The following RGS6 variants were observed in gnomAD, a reference collection of about 807,000 sequenced individuals.
RGS6 encodes regulator of G protein signaling 6.
Under a neutral mutation model 78.5 loss-of-function variants are expected in RGS6, and 30 were observed. That is an observed-to-expected ratio of 0.38 (90% CI 0.29 to 0.52). RGS6 has a LOEUF of 0.52. Among genes scored for constraint, RGS6 ranks in the 20% least tolerant of loss-of-function variants. The pLI, the probability that RGS6 is intolerant of heterozygous loss-of-function variation, is 0.85. For missense variants in RGS6, 495 were observed against 609.7 expected, an observed-to-expected ratio of 0.81 and a Z score of 1.98; for synonymous variants, 206 against 206.0, an observed-to-expected ratio of 1.00 and a Z score of 0.00.
chr14:72,038,716 C>G (rs1235159082), intron 2 of RGS6, among the ~76,000 whole-genome samples: 5 of 152,038 alleles, frequency 3.3e-5, no homozygotes, highest in Non-Finnish European at 5.9e-5. Flanking sequence ...TTTCCAGCTC[C>G]TTATTGCTAA....
chr14:72,506,984 T>TAAAAAAAAAAAAAAAAAAA (rs71109738), intron 13 of RGS6, among the ~76,000 whole-genome samples: 14 of 54,388 alleles, frequency 2.6e-4, no homozygotes, highest in African/African-American at 3.2e-4. Context: ...CTGTCTCTAC[T>TAAAAAAAAAAAAAAAAAAA]AAAAAAAAAA....
chr14:72,072,523 G>T (rs2094443930), intron 2 of RGS6, among the ~76,000 whole-genome samples: 1 of 151,978 alleles, frequency 6.6e-6, no homozygotes, highest in Non-Finnish European at 1.5e-5. Context: ...TAGCCAGGAT[G>T]GTGTCGATCT....
chr14:72,009,338 A>AC (rs1247250764), intron 2 of RGS6, among the ~76,000 whole-genome samples: 1 of 151,678 alleles, frequency 6.6e-6, no homozygotes. Flanking sequence ...ACAGAGTGAG[A>AC]CCCCCCACCC....
the RGS6 span, among the ~76,000 whole-genome samples, chr14:71,902,728 A>G: frequency 1.3e-5 from 2 of 152,176 alleles, no homozygotes; most frequent in African/African-American, 4.8e-5. Flanking sequence ...AAAAACATAA[A>G]CTTATTTGAA....
At chr14:72,324,013 A>G (rs1422502688) in intron 2 of RGS6, among the ~76,000 whole-genome samples, 1 of 151,996 alleles carries the variant, frequency 6.6e-6, no homozygotes, top group African/African-American at 2.4e-5. Flanking sequence ...CATCACTTCA[A>G]GCACTCATTA....
intron 1 of RGS6, among the ~76,000 whole-genome samples, chr14:71,939,247 G>C (rs1299584118): frequency 6.6e-6 from 1 of 152,142 alleles, no homozygotes; most frequent in African/African-American, 2.4e-5. Context: ...ACCTTAGAAG[G>C]AATATCTCAA....
chr14:71,898,640 T>C, the RGS6 span, among the ~76,000 whole-genome samples: 3 of 152,086 alleles, frequency 2.0e-5, no homozygotes, highest in African/African-American at 7.2e-5. Context: ...ATGCGTTAGG[T>C]ATTTGGCCTA....
chr14:71,978,045 A>G (rs1457587914), intron 2 of RGS6, among the ~76,000 whole-genome samples: 2 of 151,362 alleles, frequency 1.3e-5, no homozygotes, highest in Non-Finnish European at 2.9e-5. Context: ...GAGTTCACTC[A>G]TGATTTGGCT....
chr14:72,292,550 A>G, intron 2 of RGS6, among the ~76,000 whole-genome samples: 1 of 152,232 alleles, frequency 6.6e-6, no homozygotes, highest in East Asian at 1.9e-4. Context: ...CTAGTCTGTT[A>G]AACTTCTATT....
chr14:72,479,648 G>C (rs932509317), intron 12 of RGS6, among the ~76,000 whole-genome samples: 5 of 152,210 alleles, frequency 3.3e-5, no homozygotes, highest in African/African-American at 1.2e-4. Context: ...TGGAGTCGCT[G>C]TTTCAGCTAG....
chr14:71,928,769 G>T (rs901665159), upstream of RGS6, among the ~76,000 whole-genome samples: 1 of 152,172 alleles, frequency 6.6e-6, no homozygotes, highest in African/African-American at 2.4e-5. Context: ...TGCATGCAGT[G>T]TGCCCTTAAT....
At chr14:72,433,167 T>C (rs1314816731) in intron 3 of RGS6, among the ~76,000 whole-genome samples, 1 of 152,182 alleles carries the variant, frequency 6.6e-6, no homozygotes, top group East Asian at 1.9e-4. Flanking sequence ...ATACTCCGCC[T>C]GTTTTCTGGA....
intron 2 of RGS6, among the ~76,000 whole-genome samples, chr14:72,187,642 A>G (rs924437230): frequency 2.6e-5 from 4 of 151,468 alleles, no homozygotes; most frequent in Non-Finnish European, 2.9e-5. Flanking sequence ...ATTTCCTTGG[A>G]AAAAAAAAGA....
At chr14:72,414,507 C>A (rs4387540) in intron 3 of RGS6, among the ~76,000 whole-genome samples, 4 of 152,030 alleles carry the variant, frequency 2.6e-5, no homozygotes, top group Admixed American at 2.0e-4. Context: ...GCCATTGGTT[C>A]GAACTTCCTC....
In RGS6 at chr14:72,170,755, A is replaced by T. The variant is rs553701048; in HGVS notation, c.85-181340A>T. On this transcript the variant is annotated intron_variant, in intron 2 of 17. Transcript: ENST00000553525. Reference sequence around the variant, plus strand: ...TATACAGAACAGTCCAATCAGGAACAATCTGTAGTACCTATGACAGGTACA... The same window carrying T: ...TATACAGAACAGTCCAATCAGGAACTATCTGTAGTACCTATGACAGGTACA... Among the ~76,000 whole-genome samples the T allele has an allele frequency of 3.9e-5, 6 of 152,358 alleles. No homozygotes were observed. The East Asian group carries it at 1.2e-3, about 29-fold the overall frequency.
At chr14:72,160,052 G>T (rs571684601) in intron 2 of RGS6, among the ~76,000 whole-genome samples, 1 of 152,266 alleles carries the variant, frequency 6.6e-6, no homozygotes, top group African/African-American at 2.4e-5. Flanking sequence ...TTATGGGTGA[G>T]CACCAGTATC....
At chr14:72,603,078 A>C in the RGS6 span, among the ~76,000 whole-genome samples, 1 of 152,250 alleles carries the variant, frequency 6.6e-6, no homozygotes, top group Non-Finnish European at 1.5e-5. Flanking sequence ...TTAGGGACTA[A>C]ATCTAATAAT....
chr14:71,930,999 AAAAAAAAAAAAAAAAAAAG>A (rs2087816844), upstream of RGS6, among the ~76,000 whole-genome samples: 3 of 143,526 alleles, frequency 2.1e-5, no homozygotes, highest in Admixed American at 6.9e-5. Flanking sequence ...AAAAAAAAAA[AAAAAAAAAAAAAAAAAAAG>A]CAGAGCTCCT....
At chr14:72,001,491 CACACACACACACACACA>C in intron 2 of RGS6, among the ~76,000 whole-genome samples, 1 of 126,300 alleles carries the variant, frequency 7.9e-6, no homozygotes, top group Admixed American at 7.6e-5. Flanking sequence ...CACACACACA[CACACACACACACACACA>C]CACACACACA....
Sources: allele counts gnomAD v4.1 joint callset (sites outside exome capture counted in the v4.1 genomes callset), GRCh38; gene constraint gnomAD v4.1.1; transcripts MANE v1.5; gene names NCBI Gene and HGNC (gene_info 2026-07-23, HGNC 2026-07-21).